Variants in SPOCK3 observed in about 807,000 individuals in gnomAD.
SPOCK3 encodes the protein SPARC (osteonectin), cwcv and kazal like domains proteoglycan 3, also known as testican-3.
Under a neutral mutation model 56.6 loss-of-function variants are expected in SPOCK3, and 30 were observed. The ratio of observed to expected loss-of-function variants is 0.53; its 90% CI spans 0.40 to 0.72. The LOEUF (loss-of-function observed/expected upper bound fraction) is 0.72. Ranked by LOEUF, SPOCK3 falls within the 30% of genes least tolerant of loss-of-function variation. SPOCK3 has a pLI of 0.00. For synonymous variants in SPOCK3, 196 were observed against 183.3 expected (o/e 1.07, Z -0.56); for missense variants, 527 against 530.0 (o/e 0.99, Z 0.06).
At chr4:167,199,175 A>G (rs961286392) in intron 2 of SPOCK3, among the ~76,000 whole-genome samples, 1 of 151,928 alleles carries the variant, frequency 6.6e-6, no homozygotes, top group African/African-American at 2.4e-5. Flanking sequence ...TAGTATAAAA[A>G]ATTTCAAGGA....
intron 2 of SPOCK3, among the ~76,000 whole-genome samples, chr4:167,121,519 G>A (rs531945650): frequency 2.9e-4 from 44 of 151,728 alleles, no homozygotes; most frequent in Admixed American, 7.2e-4. Flanking sequence ...TTCCTACCTC[G>A]GAGCTAAATC....
intron 2 of SPOCK3, among the ~76,000 whole-genome samples, chr4:167,119,588 T>C (rs1183303061): frequency 6.6e-6 from 1 of 152,130 alleles, no homozygotes; most frequent in Non-Finnish European, 1.5e-5. Flanking sequence ...TAAACCATCA[T>C]GAGAAATACT....
At chr4:167,098,826 A>C (rs1489700641) in intron 2 of SPOCK3, among the ~76,000 whole-genome samples, 1 of 152,056 alleles carries the variant, frequency 6.6e-6, no homozygotes. Flanking sequence ...AAGCATCTTC[A>C]TGCCAAATAT....
At chr4:167,193,567 T>A (rs1480147282) in intron 2 of SPOCK3, among the ~76,000 whole-genome samples, 2 of 146,234 alleles carry the variant, frequency 1.4e-5, no homozygotes, top group Admixed American at 1.4e-4. Context: ...CATTTATACA[T>A]CACCATTACA....
intron 4 of SPOCK3, among the ~76,000 whole-genome samples, chr4:166,971,091 G>A (rs1745328826): frequency 6.6e-6 from 1 of 152,112 alleles, no homozygotes; most frequent in Non-Finnish European, 1.5e-5. Context: ...GACGTTTTCT[G>A]GCACCCAACT....
At chr4:166,913,549 A>T (rs1471175081) in intron 4 of SPOCK3, among the ~76,000 whole-genome samples, 1 of 152,186 alleles carries the variant, frequency 6.6e-6, no homozygotes, top group African/African-American at 2.4e-5. Flanking sequence ...GCTTATGGAG[A>T]GAGTAATTTG....
intron 2 of SPOCK3, among the ~76,000 whole-genome samples, chr4:167,158,061 T>C (rs1764964750): frequency 6.6e-6 from 1 of 152,026 alleles, no homozygotes; most frequent in Admixed American, 6.6e-5. Flanking sequence ...AGCATTTTAC[T>C]TACTAATATT....
intron 6 of SPOCK3, among the ~76,000 whole-genome samples, chr4:166,810,092 A>G (rs1269029569): frequency 5.9e-5 from 9 of 152,068 alleles, no homozygotes; most frequent in African/African-American, 2.2e-4. Context: ...CTCTGCCAAT[A>G]TCCAATCCAG....
At chr4:167,023,333 C>T (rs935928561) in intron 3 of SPOCK3, among the ~76,000 whole-genome samples, 1 of 151,808 alleles carries the variant, frequency 6.6e-6, no homozygotes, top group Non-Finnish European at 1.5e-5. Flanking sequence ...AGAGGATTCA[C>T]CTGGGTGCAT....
chr4:166,795,477 T>C (rs1207828384), intron 6 of SPOCK3, among the ~76,000 whole-genome samples: 1 of 152,118 alleles, frequency 6.6e-6, no homozygotes, highest in African/African-American at 2.4e-5. Flanking sequence ...TATAAAACTT[T>C]TGAAAACATT....
At chr4:166,969,575 T>C (rs890090565) in intron 4 of SPOCK3, among the ~76,000 whole-genome samples, 1 of 148,976 alleles carries the variant, frequency 6.7e-6, no homozygotes, top group Non-Finnish European at 1.5e-5. Flanking sequence ...CACTTCCCCC[T>C]TAATTCTCTC....
chr4:166,801,841 A>G (rs1742636062), intron 6 of SPOCK3, among the ~76,000 whole-genome samples: 1 of 152,334 alleles, frequency 6.6e-6, no homozygotes, highest in African/African-American at 2.4e-5. Flanking sequence ...CAGGAATTAC[A>G]TATTAATCTA....
At chr4:166,965,904 TG>T (rs1744685076) in intron 4 of SPOCK3, among the ~76,000 whole-genome samples, 1 of 152,074 alleles carries the variant, frequency 6.6e-6, no homozygotes, top group Admixed American at 6.6e-5. Flanking sequence ...ATACATTTCA[TG>T]GGTTTTGGGT....
At chr4:166,865,581 G>T (rs1337090294) in intron 6 of SPOCK3, among the ~76,000 whole-genome samples, 2 of 152,152 alleles carry the variant, frequency 1.3e-5, no homozygotes, top group Non-Finnish European at 2.9e-5. Context: ...CTTCAGCAAA[G>T]TCTCAGGATA....
chr4:166,802,410 G>T (rs1333913508), intron 6 of SPOCK3, among the ~76,000 whole-genome samples: 1 of 152,184 alleles, frequency 6.6e-6, no homozygotes, highest in African/African-American at 2.4e-5. Flanking sequence ...CTTATAAAAA[G>T]AAATATATTT....
At chr4:166,950,200 G>A (rs1742371147) in intron 4 of SPOCK3, among the ~76,000 whole-genome samples, 1 of 151,710 alleles carries the variant, frequency 6.6e-6, no homozygotes, top group South Asian at 2.1e-4. Flanking sequence ...CATCTCATGT[G>A]CAGAGACACA....
chr4:166,838,725 C>T lies in SPOCK3; in HGVS notation c.590-46436G>A, dbSNP rs557355199. 1.8e-4 allele frequency among the ~76,000 whole-genome samples: 25 copies of T among 137,864 alleles called. 1 individual carries two copies. Among genetic ancestry groups the T allele is most frequent in the South Asian group, 6.4e-4 (2 of 3,140 alleles). The allele number at this position is 137,864 out of a possible 152,430, so 90.4% of individuals were successfully genotyped here. A position where few individuals can be genotyped will look rare whatever the true frequency, so the allele number is the denominator to read the frequency against. On this transcript the variant is annotated intron_variant, in intron 6 of 10. Transcript: ENST00000357545. Reference sequence around the variant, plus strand: ...CCCAGAACTTTTGGGAGGCCGTGAGCGGATCACAAAGTCAGGAGATCGAGA... The same window carrying T: ...CCCAGAACTTTTGGGAGGCCGTGAGTGGATCACAAAGTCAGGAGATCGAGA...
chr4:166,948,016 C>A (rs1022140981), intron 4 of SPOCK3, among the ~76,000 whole-genome samples: 1 of 152,130 alleles, frequency 6.6e-6, no homozygotes, highest in Non-Finnish European at 1.5e-5. Context: ...CTCCCCATTC[C>A]TTCCTTCTTA....
At chr4:166,906,984 C>T (rs1322537625) in intron 5 of SPOCK3, among the ~76,000 whole-genome samples, 2 of 151,956 alleles carry the variant, frequency 1.3e-5, no homozygotes, top group East Asian at 1.9e-4. Flanking sequence ...AACCAGTTAA[C>T]ATATTTAAAA....
Sources: gnomAD v4.1 joint callset for allele counts (sites outside exome capture counted in the v4.1 genomes callset) on GRCh38, gnomAD v4.1.1 for gene constraint, MANE v1.5 for transcripts, NCBI Gene and HGNC (gene_info 2026-07-23, HGNC 2026-07-21) for gene names.